The following FBRSL1 variants were observed in gnomAD, a reference collection of about 807,000 sequenced individuals.
The protein encoded by FBRSL1 is fibrosin-1-like protein.
Under a neutral mutation model 89.6 loss-of-function variants are expected in FBRSL1, and 51 were observed. The observed-to-expected ratio is 0.57, with a 90% CI of 0.45 to 0.72. FBRSL1 has a LOEUF of 0.72. Ranked by LOEUF, FBRSL1 falls within the 30% of genes least tolerant of loss-of-function variation. The probability of loss-of-function intolerance (pLI) is 0.00; values close to 1 mark genes in which losing one functional copy is unlikely to be tolerated. For synonymous variants in FBRSL1, 779 were observed against 681.1 expected (o/e 1.14, Z -2.24); for missense variants, 1,618 against 1,451.8 (o/e 1.11, Z -1.86).
At chr12:132,497,686 C>G (rs2032268682) in intron 1 of FBRSL1, among the ~76,000 whole-genome samples, 1 of 152,144 alleles carries the variant, frequency 6.6e-6, no homozygotes, top group Non-Finnish European at 1.5e-5. Flanking sequence ...AGGCTCTGGG[C>G]CTCGGGACCC....
Position 132,490,876 on chromosome 12 carries a change from G to C in FBRSL1, c.291+15G>C. The C allele has an allele frequency of 7.3e-7, 1 of 1,375,900 alleles. No individual in the cohort carries two copies. The highest frequency in any genetic ancestry group is 9.4e-7 in the Non-Finnish European group (1 of 1,063,064). 85.2% of individuals were successfully genotyped at this position (1,375,900 alleles called of 1,614,324 possible). ...AGGCCCTGGAGGTAGGTGGACGGGT[G>C]CGGCTTCGCAGGCGTTGAGGCGAGA... On this transcript the variant is annotated intron_variant, in intron 1 of 18. Transcript: ENST00000680143.
At chr12:132,497,014 G>T (rs1469180909) in intron 1 of FBRSL1, among the ~76,000 whole-genome samples, 1 of 152,268 alleles carries the variant, frequency 6.6e-6, no homozygotes, top group Non-Finnish European at 1.5e-5. Flanking sequence ...CGTGTTGGTG[G>T]AGTCTCATTT....
At chr12:132,562,582 C>G (rs533779714) in intron 5 of FBRSL1, among the ~76,000 whole-genome samples, 1 of 152,180 alleles carries the variant, frequency 6.6e-6, no homozygotes, top group East Asian at 1.9e-4. Context: ...CCCCGGGGAC[C>G]GCACAGGGTG....
At chr12:132,536,134 A>T (rs888671153) in intron 4 of FBRSL1, among the ~76,000 whole-genome samples, 1 of 140,808 alleles carries the variant, frequency 7.1e-6, no homozygotes, top group South Asian at 2.3e-4. Flanking sequence ...CCATGTGTAC[A>T]TGATGGTGTG....
chr12:132,540,710 C>T (rs1466586339), intron 4 of FBRSL1, among the ~76,000 whole-genome samples: 3 of 152,154 alleles, frequency 2.0e-5, no homozygotes, highest in Admixed American at 6.5e-5. Context: ...GCACCTGGAA[C>T]CAGGCTCCAG....
At chr12:132,526,595 C>G (rs888415651) in intron 3 of FBRSL1, among the ~76,000 whole-genome samples, 1 of 152,188 alleles carries the variant, frequency 6.6e-6, no homozygotes, top group Non-Finnish European at 1.5e-5. Context: ...CTGTCCCCGG[C>G]AAGGGTCTGT....
Position 132,490,728 on chromosome 12 carries a change from C to T in FBRSL1, c.158C>T (p.Pro53Leu), listed in dbSNP as rs1235267606. ...GAGAACGCGGGCCTCCGCGGCGCGC[C>T]CCCCCGAGGCGCCGCCCCCGCGCCC... The part of the protein sequence containing the change: ...GKENAGLRGA[P>L]PRGAAPAPRT... Residue 53 changes from proline to leucine, a missense_variant, in exon 1 of 19, where the codon CCC (proline) becomes CTC (leucine). By Grantham distance (98) the Pro-to-Leu change is moderately conservative. Coordinates refer to ENST00000680143, the MANE Select transcript of FBRSL1 (RefSeq NM_001367871.1). 59 of 986,566 alleles carry T rather than the reference C, an allele frequency of 6.0e-5. No homozygotes were observed. Among genetic ancestry groups the T allele is most frequent in the Non-Finnish European group, 6.8e-5 (57 of 832,366 alleles). The allele number at this position is 986,566 out of a possible 1,614,324, so 61.1% of individuals were successfully genotyped here. A position where few individuals can be genotyped will look rare whatever the true frequency, so the allele number is the denominator to read the frequency against.
intron 18 of FBRSL1, 103 bp from the exon 19 acceptor site, chr12:132,582,868 C>A: frequency 1.0e-6 from 1 of 998,770 alleles, no homozygotes; most frequent in African/African-American, 1.7e-5. Flanking sequence ...TCACCGGCCA[C>A]CCAGAAACTG....
At chr12:132,549,801 C>T (rs1386367783) in intron 5 of FBRSL1, among the ~76,000 whole-genome samples, 1 of 152,222 alleles carries the variant, frequency 6.6e-6, no homozygotes, top group Non-Finnish European at 1.5e-5. Context: ...GAGACCCAAA[C>T]GATGTCTGTG....
intron 1 of FBRSL1, among the ~76,000 whole-genome samples, chr12:132,503,375 C>T (rs776485851): frequency 3.3e-5 from 5 of 152,236 alleles, no homozygotes; most frequent in Admixed American, 6.5e-5. Context: ...GTCAGTGAGG[C>T]TTGCCGGGGC....
At chr12:132,529,154 G>A (rs111921395) in intron 4 of FBRSL1, among the ~76,000 whole-genome samples, 74 of 152,192 alleles carry the variant, frequency 4.9e-4, no homozygotes, top group African/African-American at 1.8e-3. Flanking sequence ...CCCCATCCCT[G>A]CAGCCCCCGA....
chr12:132,503,813 G>A (rs753853715), intron 1 of FBRSL1, among the ~76,000 whole-genome samples: 28 of 152,286 alleles, frequency 1.8e-4, no homozygotes, highest in Admixed American at 5.9e-4. Context: ...CTGGGCTTTG[G>A]GCCTGAGCTC....
At position 132,526,766 on chromosome 12, in the gene FBRSL1, C is replaced by T. The variant is rs951456716; in HGVS notation, c.579+943C>T. Among the ~76,000 whole-genome samples the T allele has an allele frequency of 8.5e-5, 13 of 152,178 alleles. No individual in the cohort carries two copies. The East Asian group carries it at 1.9e-3, about 23-fold the overall frequency. Reference sequence around the variant, plus strand: ...TGGATCTTTGCATCTGCCCCCCACTCCTCAGGGGGCTCTGGACCCTCCCTG... The same window carrying T: ...TGGATCTTTGCATCTGCCCCCCACTTCTCAGGGGGCTCTGGACCCTCCCTG... On this transcript the variant is annotated intron_variant, in intron 3 of 18. Coordinates refer to ENST00000680143, the MANE Select transcript of FBRSL1 (RefSeq NM_001367871.1).
intron 1 of FBRSL1, among the ~76,000 whole-genome samples, chr12:132,505,143 C>T (rs1247788469): frequency 1.3e-5 from 2 of 152,166 alleles, no homozygotes; most frequent in East Asian, 3.9e-4. Context: ...AAAAGATAAG[C>T]GGGGCCTGAC....
Position 132,513,021 on chromosome 12 carries a change from G to T in FBRSL1, c.489+4671G>T, listed in dbSNP as rs184998804. 1.8e-3 allele frequency among the ~76,000 whole-genome samples: 281 copies of T among 152,300 alleles called. 1 individual carries two copies. The highest frequency in any genetic ancestry group is 6.5e-3 in the African/African-American group (272 of 41,564). On this transcript the variant is annotated intron_variant, in intron 2 of 18. Transcript: ENST00000680143. ...CTGGACATCCATGTTGTGTCCTGGG[G>T]CCCGCGCCCTGGTGGGGACACTGCT...
intron 1 of FBRSL1, chr12:132,507,290 G>T (rs189592041): frequency 1.5e-4 from 150 of 985,560 alleles, no homozygotes; most frequent in South Asian, 4.7e-4. Context: ...TTTCGTGGAC[G>T]CTTCTCCCTG....
chr12:132,572,416 C>T (rs1481662261), intron 10 of FBRSL1, 72 bp downstream of exon 10: 5 of 1,523,428 alleles, frequency 3.3e-6, no homozygotes, highest in Admixed American at 3.9e-5. Flanking sequence ...GTGGGTGGGG[C>T]TGCCCCTCGC....
chr12:132,564,565 A>G (rs200847241), intron 5 of FBRSL1, among the ~76,000 whole-genome samples: 48,121 of 112,898 alleles, frequency 0.43, 10,434 homozygotes, highest in East Asian at 0.82. Context: ...GTACGATCTC[A>G]GCTCACTGCA....
At chr12:132,567,417 G>A (rs1447774174) in intron 5 of FBRSL1, 64 bp from the exon 6 acceptor site, 2 of 1,504,780 alleles carry the variant, frequency 1.3e-6, no homozygotes, top group East Asian at 2.5e-5. Flanking sequence ...GTGGGCATTG[G>A]GCGCAAGGTC....
Sources: allele counts gnomAD v4.1 joint callset (sites outside exome capture counted in the v4.1 genomes callset), GRCh38; gene constraint gnomAD v4.1.1; transcripts MANE v1.5; gene names NCBI Gene and HGNC (gene_info 2026-07-23, HGNC 2026-07-21).